The following SMAD9 variants were observed in gnomAD, a reference collection of about 807,000 sequenced individuals.
The protein encoded by SMAD9 is SMAD family member 9.
Under a neutral mutation model 46.1 loss-of-function variants are expected in SMAD9, and 36 were observed. That is an observed-to-expected ratio of 0.78 (90% CI 0.60 to 1.03). SMAD9 has a LOEUF of 1.03. SMAD9 is among the 50% of genes least tolerant of loss of function. The pLI is 0.00. For missense variants in SMAD9, 572 were observed against 599.8 expected, an observed-to-expected ratio of 0.95 and a Z score of 0.48; for synonymous variants, 245 against 237.1, an observed-to-expected ratio of 1.03 and a Z score of -0.31.
At chr13:36,915,982 G>A (rs1047537588) in intron 1 of SMAD9, among the ~76,000 whole-genome samples, 1 of 152,128 alleles carries the variant, frequency 6.6e-6, no homozygotes, top group East Asian at 1.9e-4. Flanking sequence ...TTGTTACACA[G>A]AACATGATAT....
chr13:36,883,326 T>C (rs1025366130), intron 1 of SMAD9, among the ~76,000 whole-genome samples: 3 of 152,024 alleles, frequency 2.0e-5, no homozygotes, highest in Non-Finnish European at 4.4e-5. Context: ...AGTTACTACA[T>C]TTCCAAAAAG....
At chr13:36,854,088 G>A (rs2058099745) in intron 5 of SMAD9, among the ~76,000 whole-genome samples, 1 of 152,116 alleles carries the variant, frequency 6.6e-6, no homozygotes, top group African/African-American at 2.4e-5. Flanking sequence ...GAACCTGGGA[G>A]GCAGAGGTTG....
At chr13:36,863,798 C>G (rs1234560355) in intron 5 of SMAD9, among the ~76,000 whole-genome samples, 1 of 152,140 alleles carries the variant, frequency 6.6e-6, no homozygotes, top group Non-Finnish European at 1.5e-5. Flanking sequence ...AAAGCCCTCA[C>G]CAGAAGCACA....
intron 6 of SMAD9, chr13:36,852,655 G>T: frequency 1.3e-6 from 1 of 758,332 alleles, no homozygotes; most frequent in Non-Finnish European, 1.6e-6. Flanking sequence ...TCTTGTATTA[G>T]AACCAACCCT....
At chr13:36,865,399 T>C (rs1174230050) in intron 5 of SMAD9, 138 bp downstream of exon 5, 11 of 714,672 alleles carry the variant, frequency 1.5e-5, no homozygotes, top group Non-Finnish European at 2.6e-6. Flanking sequence ...ATGTCAGAGC[T>C]ATCTCAGAGC....
Position 36,847,954 on chromosome 13 carries a change from A to G in SMAD9, c.*722T>C, listed in dbSNP as rs548718832. The G allele has an allele frequency of 2.0e-5, 3 of 152,358 alleles. No individual in the cohort carries two copies. In the East Asian group the frequency reaches 5.8e-4, roughly 29 times the overall value. 9.4% of individuals were successfully genotyped at this position (152,358 alleles called of 1,614,324 possible). On this transcript the variant is annotated 3_prime_UTR_variant, in exon 7 of 7. Transcript: ENST00000379826. Reference sequence around the variant, plus strand: ...GACCAAGTTCTGGTCTTATCTTGCAATCTGGGAAACAGCATTTCATGCTAT... The same window carrying G: ...GACCAAGTTCTGGTCTTATCTTGCAGTCTGGGAAACAGCATTTCATGCTAT...
intron 1 of SMAD9, among the ~76,000 whole-genome samples, chr13:36,901,802 T>C (rs1456247761): frequency 6.6e-6 from 1 of 152,234 alleles, no homozygotes; most frequent in Non-Finnish European, 1.5e-5. Flanking sequence ...GTATGTCTTC[T>C]TTGGAAAAAT....
chr13:36,853,469 C>T lies in SMAD9; in HGVS notation c.1210G>A (p.Val404Ile), dbSNP rs1055838187. 1 of 1,614,116 alleles carries T rather than the reference C, an allele frequency of 6.2e-7. No individual in the cohort carries two copies. The highest frequency in any genetic ancestry group is 1.7e-5 in the Admixed American group (1 of 60,020). The part of the protein sequence containing the change: ...LAQSVHHGFE[V>I]VYELTKMCTI... Reference sequence around the variant, plus strand: ...CACATCTTGGTCAGTTCATACACGACTTCAAAGCCGTGGTGAACTGACTGG... The same window carrying T: ...CACATCTTGGTCAGTTCATACACGATTTCAAAGCCGTGGTGAACTGACTGG... The change falls in exon 6 of 7, where the codon GTC becomes ATC. Residue 404 changes from valine (V) to isoleucine (I), a missense_variant. Coordinates refer to ENST00000379826, the MANE Select transcript of SMAD9 (RefSeq NM_001127217.3).
intron 1 of SMAD9, among the ~76,000 whole-genome samples, chr13:36,882,773 T>C (rs763315929): frequency 5.9e-5 from 9 of 152,246 alleles, no homozygotes; most frequent in South Asian, 4.1e-4. Context: ...GTTTGTATGC[T>C]TGGCATATTT....
chr13:36,920,296 GCCCT>G (rs1566047432), upstream of SMAD9: 2 of 148,216 alleles, frequency 1.3e-5, no homozygotes, highest in Non-Finnish European at 3.0e-5. Flanking sequence ...CGGCCAGGGA[GCCCT>G]GCTTGCGGCC....
intron 2 of SMAD9, among the ~76,000 whole-genome samples, chr13:36,876,047 GCTATCC>G (rs2058342688): frequency 6.6e-6 from 1 of 152,132 alleles, no homozygotes; most frequent in Admixed American, 6.5e-5. Flanking sequence ...TCACAACACA[GCTATCC>G]CTAATTACTT....
At chr13:36,916,601 A>G (rs1313676890) in intron 1 of SMAD9, among the ~76,000 whole-genome samples, 1 of 152,170 alleles carries the variant, frequency 6.6e-6, no homozygotes, top group East Asian at 1.9e-4. Flanking sequence ...AGAGTACTAT[A>G]AAGGGCACTG....
At chr13:36,852,078 C>T in intron 6 of SMAD9, 6 of 972,260 alleles carry the variant, frequency 6.2e-6, no homozygotes, top group Non-Finnish European at 7.3e-6. Flanking sequence ...ATAATATATG[C>T]TTTCAAAACA....
At chr13:36,920,443 CG>C (rs979745875), upstream of SMAD9, among the ~76,000 whole-genome samples, 18 of 151,662 alleles carry the variant, frequency 1.2e-4, no homozygotes, top group African/African-American at 4.3e-4. Flanking sequence ...GCGGGGGTGG[CG>C]GGGTAGTACT....
At chr13:36,883,886 T>C (rs1270125844) in intron 1 of SMAD9, among the ~76,000 whole-genome samples, 1 of 152,224 alleles carries the variant, frequency 6.6e-6, no homozygotes, top group African/African-American at 2.4e-5. Flanking sequence ...AACTGTGTGC[T>C]CTTAGGCACG....
intron 2 of SMAD9, among the ~76,000 whole-genome samples, chr13:36,876,422 C>A (rs966833046): frequency 1.3e-5 from 2 of 152,118 alleles, no homozygotes; most frequent in African/African-American, 4.8e-5. Context: ...TGTCTGAGGA[C>A]TGGGGACCCT....
rs145385710 is a variant in SMAD9 at position 36,895,831 on chromosome 13, T to C, written c.-186-15956A>G. Among the ~76,000 whole-genome samples, 115 of 152,308 alleles carry C rather than the reference T, an allele frequency of 7.6e-4. 1 individual carries two copies. Among genetic ancestry groups the C allele is most frequent in the African/African-American group, 2.7e-3 (111 of 41,566 alleles). On this transcript the variant is annotated intron_variant, in intron 1 of 6. Coordinates refer to ENST00000379826, the MANE Select transcript of SMAD9 (RefSeq NM_001127217.3). ...GAAGACATTAGAAGGATTTGCATCA[T>C]AGTTTTTATATTCAGATATTAATCT... is the stretch of plus-strand genomic sequence containing the variant.
chr13:36,893,417 G>GAT (rs376754668), intron 1 of SMAD9, among the ~76,000 whole-genome samples: 8 of 144,940 alleles, frequency 5.5e-5, no homozygotes, highest in African/African-American at 1.3e-4. Context: ...CCCCTTCACA[G>GAT]ATATATATAT....
intron 1 of SMAD9, among the ~76,000 whole-genome samples, chr13:36,914,247 C>T (rs1253921576): frequency 2.0e-5 from 3 of 152,212 alleles, no homozygotes; most frequent in East Asian, 1.9e-4. Flanking sequence ...GGGCCAGGCG[C>T]GGTGGATCAC....
Sources: gnomAD v4.1 joint callset for allele counts (sites outside exome capture counted in the v4.1 genomes callset) on GRCh38, gnomAD v4.1.1 for gene constraint, MANE v1.5 for transcripts, NCBI Gene and HGNC (gene_info 2026-07-23, HGNC 2026-07-21) for gene names.